The following CXXC5 variants were observed in gnomAD, a reference collection of about 807,000 sequenced individuals.
CXXC5 encodes the protein CXXC-type zinc finger protein 5.
In CXXC5, 2 loss-of-function variants were observed where a neutral mutation model predicts 17.6. The ratio of observed to expected loss-of-function variants is 0.11; its 90% CI spans 0.05 to 0.36. The LOEUF is 0.36. Among genes scored for constraint, CXXC5 ranks in the 10% least tolerant of loss-of-function variants. The pLI, the probability that CXXC5 is intolerant of heterozygous loss-of-function variation, is 1.00. For synonymous variants in CXXC5, 171 were observed against 193.0 expected (o/e 0.89, Z 0.94); for missense variants, 343 against 458.3 (o/e 0.75, Z 2.30).
chr5:139,649,050 G>A (rs1056136457), intron 1 of CXXC5: 7 of 152,476 alleles, frequency 4.6e-5, no homozygotes, highest in African/African-American at 1.4e-4. Context: ...GTCCGTATTT[G>A]GGAGGGGCGG....
Position 139,680,905 on chromosome 5 carries a change from G to C in CXXC5, c.382G>C (p.Asp128His). 6.2e-7 allele frequency: 1 copy of C among 1,603,534 alleles called. No individual in the cohort carries two copies. The highest frequency in any genetic ancestry group is 8.5e-7 in the Non-Finnish European group (1 of 1,179,960). ...GHDLAAAMAV[D>H]KSNPTSKHKS... is the part of the protein sequence containing the mutation. ...TGACCTGGCGGCGGCCATGGCGGTG[G>C]ACAAAAGCAACCCTACCTCAAAGCA... The change falls in exon 2 of 3, where the codon GAC becomes CAC. Residue 128 changes from aspartate (D) to histidine (H), a missense_variant. Physicochemically the swap from Asp to His is moderately conservative, Grantham distance 81. This residue lies in a region of CXXC5 where 297 missense variants were observed against 363.4 expected (regional missense o/e 0.82). Transcript: ENST00000302517.
Position 139,680,579 on chromosome 5 carries a change from C to G in CXXC5, c.56C>G (p.Thr19Ser), listed in dbSNP as rs910398736. 6 of 1,600,068 alleles carry G rather than the reference C, an allele frequency of 3.7e-6. No individual in the cohort carries two copies. The East Asian group carries it at 9.1e-5, about 24-fold the overall frequency. ...GCCGGCGGCAGTAGCAGCAGCAGCA[C>G]CAATGGCAGCGGTGGCAGTGGCAGC... ...QDAGGSSSSS[T>S]NGSGGSGSSG... Residue 19 changes from threonine to serine, a missense_variant, in exon 2 of 3, where the codon ACC becomes AGC. Thr to Ser is a moderately conservative substitution (Grantham distance 58). Transcript: ENST00000302517.
At chr5:139,677,546 G>A (rs1049123950) in intron 1 of CXXC5, among the ~76,000 whole-genome samples, 7 of 152,194 alleles carry the variant, frequency 4.6e-5, no homozygotes, top group Admixed American at 1.3e-4. Flanking sequence ...GTCTACTCTG[G>A]ATTTGAAAAC....
rs1757343946 is a variant in CXXC5 at position 139,682,985 on chromosome 5, A to G, written c.*78A>G. On this transcript the variant is annotated 3_prime_UTR_variant, in exon 3 of 3. Transcript: ENST00000302517. ...TCTCCAGCAAGGGATTCGGGCGAAG[A>G]CAAACGGATGCACCCGTCTTTAGAA... 7.6e-7 allele frequency: 1 copy of G among 1,311,658 alleles called. No homozygotes were observed. The highest frequency in any genetic ancestry group is 1.9e-4 in the Middle Eastern group (1 of 5,154). 81.3% of individuals were successfully genotyped at this position (1,311,658 alleles called of 1,614,324 possible).
In CXXC5 at chr5:139,668,107, C is replaced by T. The variant is rs1027597861; in HGVS notation, c.-160-12257C>T. On this transcript the variant is annotated intron_variant, in intron 1 of 2. Coordinates refer to ENST00000302517, the MANE Select transcript of CXXC5 (RefSeq NM_016463.9). The surrounding 1 kb of genome is among the most constrained non-coding windows in gnomAD (Gnocchi z 4.1). ...ACCCTCCCCAACCTCAGGTAGGGGG[C>T]CTGGCCCGAGGCAAAAACCTCCCCA... Among the ~76,000 whole-genome samples, 1 of 152,146 alleles carries T rather than the reference C, an allele frequency of 6.6e-6. No homozygotes were observed. The highest frequency in any genetic ancestry group is 1.5e-5 in the Non-Finnish European group (1 of 67,992).
At chr5:139,656,513 C>A (rs1007424584) in intron 1 of CXXC5, among the ~76,000 whole-genome samples, 7 of 152,234 alleles carry the variant, frequency 4.6e-5, no homozygotes, top group African/African-American at 7.2e-5. Flanking sequence ...ACCTTCCTTG[C>A]AGGCAGGGCC....
chr5:139,647,382 C>T (rs982806060), upstream of CXXC5: 1 of 152,096 alleles, frequency 6.6e-6, no homozygotes, highest in African/African-American at 2.4e-5. Flanking sequence ...AGAAAACTTC[C>T]ACTTTGGGAT....
rs1268689722 is a variant in CXXC5 at position 139,670,663 on chromosome 5, C to T, written c.-160-9701C>T. Among the ~76,000 whole-genome samples, 1 of 152,230 alleles carries T rather than the reference C, an allele frequency of 6.6e-6. No homozygotes were observed. The highest frequency in any genetic ancestry group is 1.5e-5 in the Non-Finnish European group (1 of 68,046). Reference sequence around the variant, plus strand: ...CACAAACATCCTCTCACCACGTAAACCACCCTATTCGCACACACGTGCACT... The same window carrying T: ...CACAAACATCCTCTCACCACGTAAATCACCCTATTCGCACACACGTGCACT... On this transcript the variant is annotated intron_variant, in intron 1 of 2. Transcript: ENST00000302517. The surrounding 1 kb of genome is among the most constrained non-coding windows in gnomAD (Gnocchi z 4.2).
At chr5:139,657,419 G>T (rs1755547271) in intron 1 of CXXC5, among the ~76,000 whole-genome samples, 2 of 152,222 alleles carry the variant, frequency 1.3e-5, no homozygotes, top group Non-Finnish European at 2.9e-5. Flanking sequence ...TTGGCAATGG[G>T]CTGGATGTGT....
intron 1 of CXXC5, among the ~76,000 whole-genome samples, chr5:139,666,946 C>T (rs544949160): frequency 5.1e-4 from 77 of 152,308 alleles, no homozygotes; most frequent in East Asian, 3.1e-3. Context: ...CCTGCTCCAA[C>T]GGAGTCAGCC....
Position 139,658,730 on chromosome 5 carries a change from G to A in CXXC5, c.-161+9885G>A, listed in dbSNP as rs915605904. Among the ~76,000 whole-genome samples, 5 of 152,206 alleles carry A rather than the reference G, an allele frequency of 3.3e-5. No individual in the cohort carries two copies. The highest frequency in any genetic ancestry group is 3.3e-4 in the Admixed American group (5 of 15,288). On this transcript the variant is annotated intron_variant, in intron 1 of 2. Coordinates refer to ENST00000302517, the MANE Select transcript of CXXC5 (RefSeq NM_016463.9). This position sits in a 1 kb window ranked among gnomAD's most constrained non-coding sequence, Gnocchi z 4.1. ...CCAGCTCCCCCTCTGACTCATGGCC[G>A]CCTGCAGCTCCCCCTCCCTTGGGGT...
At position 139,663,403 on chromosome 5, in the gene CXXC5, G is replaced by T. The variant is rs1288280752; in HGVS notation, c.-161+14558G>T. ...CAGGGCTGTGGGAGATCTAAGAAGA[G>T]CCGACATGAGCTGGCAGGGCTGAGG... On this transcript the variant is annotated intron_variant, in intron 1 of 2. Transcript: ENST00000302517. This position sits in a 1 kb window ranked among gnomAD's most constrained non-coding sequence, Gnocchi z 4.2. Among the ~76,000 whole-genome samples, 1 of 152,158 alleles carries T rather than the reference G, an allele frequency of 6.6e-6. No individual in the cohort carries two copies. The highest frequency in any genetic ancestry group is 2.4e-5 in the African/African-American group (1 of 41,424).
At chr5:139,652,171 C>CGTGTGT (rs70988712) in intron 1 of CXXC5, among the ~76,000 whole-genome samples, 3 of 114,958 alleles carry the variant, frequency 2.6e-5, no homozygotes, top group Admixed American at 9.3e-5. Flanking sequence ...CGCGCGCGCG[C>CGTGTGT]GTGTGTGTGT....
chr5:139,664,257 T>G (rs1464958387), intron 1 of CXXC5, among the ~76,000 whole-genome samples: 1 of 152,180 alleles, frequency 6.6e-6, no homozygotes, highest in Non-Finnish European at 1.5e-5. Flanking sequence ...GGGTTCTTCC[T>G]GCAGACAGGT....
intron 1 of CXXC5, among the ~76,000 whole-genome samples, chr5:139,669,518 T>A (rs1756330588): frequency 6.6e-6 from 1 of 151,958 alleles, no homozygotes; most frequent in Non-Finnish European, 1.5e-5. Flanking sequence ...ACCCTACCCC[T>A]AGACCCAGCA....
Position 139,670,799 on chromosome 5 carries a change from T to C in CXXC5, c.-160-9565T>C, listed in dbSNP as rs78482958. Among the ~76,000 whole-genome samples, 10 of 152,244 alleles carry C rather than the reference T, an allele frequency of 6.6e-5. No homozygotes were observed. The highest frequency in any genetic ancestry group is 1.5e-4 in the Non-Finnish European group (10 of 68,020). Reference sequence around the variant, plus strand: ...CCCCAGCACTGCTACATGATCCCCATATATGCTTTAATGCTGTGGTCTGTA... The same window carrying C: ...CCCCAGCACTGCTACATGATCCCCACATATGCTTTAATGCTGTGGTCTGTA... On this transcript the variant is annotated intron_variant, in intron 1 of 2. Coordinates refer to ENST00000302517, the MANE Select transcript of CXXC5 (RefSeq NM_016463.9). This position sits in a 1 kb window ranked among gnomAD's most constrained non-coding sequence, Gnocchi z 4.2.
At chr5:139,652,192 G>A (rs951457940) in intron 1 of CXXC5, among the ~76,000 whole-genome samples, 6 of 150,738 alleles carry the variant, frequency 4.0e-5, no homozygotes, top group Admixed American at 6.6e-5. Context: ...GTGTGTGTGT[G>A]TGTGGCTGTG....
At chr5:139,671,914 C>G (rs1040955918) in intron 1 of CXXC5, among the ~76,000 whole-genome samples, 3 of 152,206 alleles carry the variant, frequency 2.0e-5, no homozygotes, top group East Asian at 1.9e-4. Context: ...AATCCTGGCT[C>G]TGCCACTTAC....
intron 1 of CXXC5, among the ~76,000 whole-genome samples, chr5:139,672,739 A>G (rs1166838092): frequency 2.0e-5 from 3 of 152,180 alleles, no homozygotes; most frequent in Non-Finnish European, 4.4e-5. Context: ...AGCAAGAGCC[A>G]TTCCTTTCCA....
Sources: gnomAD v4.1 joint callset for allele counts (sites outside exome capture counted in the v4.1 genomes callset) on GRCh38, gnomAD v4.1.1 for gene constraint, gnomAD v4.1.1 regional missense constraint, Gnocchi (gnomAD v3.1) non-coding constraint, MANE v1.5 for transcripts, NCBI Gene and HGNC (gene_info 2026-07-23, HGNC 2026-07-21) for gene names.